Variants in CGNL1 observed in about 807,000 individuals in gnomAD.
The protein encoded by CGNL1 is cingulin-like protein 1.
CGNL1 carries 132 observed loss-of-function variants against 141.2 expected under a neutral mutation model. The ratio of observed to expected loss-of-function variants is 0.93; its 90% CI spans 0.81 to 1.08. CGNL1 has a LOEUF of 1.08. Among genes scored for constraint, CGNL1 ranks in the 50% least tolerant of loss-of-function variants. The pLI is 0.00. For missense variants in CGNL1, 1,870 were observed against 1,588.6 expected (o/e 1.18, Z -3.01); for synonymous variants, 690 against 622.1 (o/e 1.11, Z -1.63).
At chr15:57,420,021 G>C (rs1456705400) in intron 1 of CGNL1, among the ~76,000 whole-genome samples, 4 of 152,076 alleles carry the variant, frequency 2.6e-5, no homozygotes, top group Non-Finnish European at 5.9e-5. Flanking sequence ...TATTTTTTGG[G>C]CCATTGGGAG....
chr15:57,393,787 T>G (rs1265465155), intron 1 of CGNL1, among the ~76,000 whole-genome samples: 1 of 152,182 alleles, frequency 6.6e-6, no homozygotes, highest in Non-Finnish European at 1.5e-5. Flanking sequence ...CTATATTATA[T>G]CTGCAGATTT....
At chr15:57,499,760 A>G (rs575784973) in intron 8 of CGNL1, among the ~76,000 whole-genome samples, 5 of 152,264 alleles carry the variant, frequency 3.3e-5, no homozygotes, top group Admixed American at 6.5e-5. Flanking sequence ...TTCCACAGAT[A>G]GTTGTAGATA....
At chr15:57,414,997 G>A (rs2062832731) in intron 1 of CGNL1, among the ~76,000 whole-genome samples, 1 of 152,152 alleles carries the variant, frequency 6.6e-6, no homozygotes, top group African/African-American at 2.4e-5. Flanking sequence ...GCACAATGAA[G>A]AATCTTCTGG....
intron 1 of CGNL1, chr15:57,402,687 G>T (rs1329400857): frequency 6.6e-6 from 1 of 152,264 alleles, no homozygotes; most frequent in Non-Finnish European, 1.5e-5. Flanking sequence ...TCTTGAAGGT[G>T]CAGTGACTTG....
chr15:57,510,028 C>T (rs2030113974), intron 8 of CGNL1, among the ~76,000 whole-genome samples: 1 of 152,160 alleles, frequency 6.6e-6, no homozygotes, highest in Non-Finnish European at 1.5e-5. Context: ...TGTAGTCGCC[C>T]TGGAAGGACT....
intron 1 of CGNL1, among the ~76,000 whole-genome samples, chr15:57,381,543 A>G (rs1325029877): frequency 1.3e-5 from 2 of 152,186 alleles, no homozygotes; most frequent in Non-Finnish European, 2.9e-5. Flanking sequence ...CCTGAGTCAC[A>G]GAGTGAGACC....
intron 1 of CGNL1, among the ~76,000 whole-genome samples, chr15:57,382,043 G>A (rs1254499006): frequency 1.3e-5 from 2 of 152,108 alleles, no homozygotes; most frequent in African/African-American, 4.8e-5. Flanking sequence ...ATTGGTTGTT[G>A]GGTAAGAGAT....
chr15:57,418,374 T>C (rs765080049), intron 1 of CGNL1, among the ~76,000 whole-genome samples: 22 of 152,146 alleles, frequency 1.4e-4, no homozygotes, highest in Admixed American at 3.3e-4. Flanking sequence ...TCCTTTCTGT[T>C]TCTCTTTTTT....
chr15:57,463,401 C>T (rs112228074), intron 8 of CGNL1, among the ~76,000 whole-genome samples: 14 of 152,184 alleles, frequency 9.2e-5, no homozygotes, highest in African/African-American at 3.1e-4. Flanking sequence ...TATATTAACT[C>T]ATAGTATTTT....
Position 57,547,370 on chromosome 15 carries a change from G to GAGT in CGNL1, c.3791_3793dup (p.Ser1264dup). 1 of 1,614,184 alleles carries GAGT rather than the reference G, an allele frequency of 6.2e-7. No homozygotes were observed. The highest frequency in any genetic ancestry group is 2.2e-5 in the East Asian group (1 of 44,888). ...ATTTCAGCAGACTGAAGAAGCTGCC[G>GAGT]AGTAAAGTGCTGGATGACATGGATG... On this transcript the variant is annotated inframe_insertion, in exon 19 of 19. Transcript: ENST00000281282.
chr15:57,437,776 T>G lies in CGNL1; in HGVS notation c.-15-209T>G, dbSNP rs116686900. ...TCAAACCCAGTGGTGACAAACTCAG[T>G]GGCCACGTGGGCTGAAGGGCATCCA... On this transcript the variant is annotated intron_variant, in intron 1 of 18. Coordinates refer to ENST00000281282, the MANE Select transcript of CGNL1 (RefSeq NM_032866.5). Among the ~76,000 whole-genome samples the G allele has an allele frequency of 7.1e-3, 1,079 of 152,234 alleles. 15 individuals are homozygous for G. The highest frequency in any genetic ancestry group is 0.024 in the African/African-American group (1,003 of 41,538).
intron 8 of CGNL1, among the ~76,000 whole-genome samples, chr15:57,502,586 G>A (rs1191844951): frequency 1.3e-5 from 2 of 152,158 alleles, no homozygotes; most frequent in Non-Finnish European, 2.9e-5. Flanking sequence ...TCAGAGAGAG[G>A]AAATAACCTT....
At chr15:57,437,138 G>A (rs1237822224) in intron 1 of CGNL1, among the ~76,000 whole-genome samples, 2 of 152,174 alleles carry the variant, frequency 1.3e-5, no homozygotes, top group Admixed American at 6.5e-5. Flanking sequence ...TGCTTGGTGA[G>A]CTCTCTGCAG....
chr15:57,524,803 T>C, intron 12 of CGNL1, 52 bp downstream of exon 12: 1 of 1,574,942 alleles, frequency 6.3e-7, no homozygotes, highest in Non-Finnish European at 8.7e-7. Context: ...AAAGTATCCT[T>C]TGCCCTGAAA....
intron 10 of CGNL1, among the ~76,000 whole-genome samples, chr15:57,519,719 C>G (rs114347400): frequency 2.0e-5 from 3 of 152,030 alleles, no homozygotes; most frequent in Non-Finnish European, 4.4e-5. Flanking sequence ...GTTACCCAAC[C>G]TGGCTGCCAG....
At chr15:57,446,692 C>T (rs1345494403) in intron 4 of CGNL1, among the ~76,000 whole-genome samples, 1 of 131,636 alleles carries the variant, frequency 7.6e-6, no homozygotes, top group East Asian at 2.3e-4. Flanking sequence ...TTTGTAAACA[C>T]ACTCACTCAT....
At position 57,544,588 on chromosome 15, in the gene CGNL1, G is replaced by T; in HGVS notation, c.3491G>T (p.Ser1164Ile). 6.3e-7 allele frequency: 1 copy of T among 1,578,074 alleles called. No individual in the cohort carries two copies. Among genetic ancestry groups the T allele is most frequent in the Non-Finnish European group, 8.6e-7 (1 of 1,161,452 alleles). Residue 1164 changes from serine (S) to isoleucine (I), a missense_variant, in exon 16 of 19, where the codon AGT becomes ATT. Transcript: ENST00000281282. ...GCGGAGCTGGAGGACCGCCTGGAGA[G>T]TGAGGAGAGGTGAGCCGGGCCCACC... The part of the protein sequence containing the change: ...RIAELEDRLE[S>I]EERDRANLQL...
At chr15:57,544,335 C>T in intron 15 of CGNL1, 138 bp from the exon 16 acceptor site, 5 of 1,031,358 alleles carry the variant, frequency 4.8e-6, no homozygotes, top group East Asian at 2.5e-5. Context: ...CCCAGGTCTC[C>T]AGGCCACAGG....
intron 8 of CGNL1, among the ~76,000 whole-genome samples, chr15:57,509,622 A>G (rs1480405240): frequency 6.6e-6 from 1 of 152,202 alleles, no homozygotes; most frequent in Admixed American, 6.5e-5. Flanking sequence ...GGCCAGTGTG[A>G]ACACTTCTAA....
Sources: gnomAD v4.1 joint callset for allele counts (sites outside exome capture counted in the v4.1 genomes callset) on GRCh38, gnomAD v4.1.1 for gene constraint, MANE v1.5 for transcripts, NCBI Gene and HGNC (gene_info 2026-07-23, HGNC 2026-07-21) for gene names.